The following KCNJ14 variants were observed in gnomAD, a reference collection of about 807,000 sequenced individuals.
KCNJ14 encodes potassium inwardly rectifying channel subfamily J member 14, also known as ATP-sensitive inward rectifier potassium channel 14.
In KCNJ14, 18 loss-of-function variants were observed where a neutral mutation model predicts 24.5. That is an observed-to-expected ratio of 0.74 (90% CI 0.51 to 1.09). KCNJ14 has a LOEUF of 1.09. Ranked by LOEUF, KCNJ14 falls within the 50% of genes least tolerant of loss-of-function variation. The pLI, the probability that KCNJ14 is intolerant of heterozygous loss-of-function variation, is 0.00. For synonymous variants in KCNJ14, 288 were observed against 270.8 expected (o/e 1.06, Z -0.63); for missense variants, 633 against 623.0 (o/e 1.02, Z -0.17).
Position 48,464,801 on chromosome 19 carries a change from G to A in KCNJ14, c.*24G>A, listed in dbSNP as rs373578741. On this transcript the variant is annotated 3_prime_UTR_variant, in exon 3 of 3. Coordinates refer to ENST00000342291, the MANE Select transcript of KCNJ14 (RefSeq NM_013348.4). ...GATGCAAACTGATGTCCCCTTCCCC[G>A]TGTATGCCCCCTTCCCCAAGGTAGC... is the stretch of plus-strand genomic sequence containing the variant. 8.6e-5 allele frequency: 132 copies of A among 1,527,910 alleles called. 3 individuals are homozygous for A. Among genetic ancestry groups the A allele is most frequent in the South Asian group, 6.8e-4 (60 of 88,758 alleles). The allele number at this position is 1,527,910 out of a possible 1,614,324, so 94.6% of individuals were successfully genotyped here.
rs763631326 is a variant in KCNJ14 at position 48,462,102 on chromosome 19, C to G, written c.378C>G (p.Pro126=). The G allele has an allele frequency of 2.5e-6, 4 of 1,601,806 alleles. No individual in the cohort carries two copies. The highest frequency in any genetic ancestry group is 2.6e-6 in the Non-Finnish European group (3 of 1,175,726). Residue 126 remains proline, a synonymous_variant, in exon 2 of 3, where the codon CCC becomes CCG. Coordinates refer to ENST00000342291, the MANE Select transcript of KCNJ14 (RefSeq NM_013348.4). This position sits in a 1 kb window ranked among gnomAD's most constrained non-coding sequence, Gnocchi z 4.9. ...TGGCCGCCCCGCCACCGCCCGCGCCCTGCTTCTCACACGTGGCCAGCTTCC... is the reference window on the plus strand; with the variant it reads ...TGGCCGCCCCGCCACCGCCCGCGCCGTGCTTCTCACACGTGGCCAGCTTCC... ...GDLAAPPPPA[P]CFSHVASFLA...
In KCNJ14 at chr19:48,462,510, A is replaced by G; in HGVS notation, c.714+72A>G. On this transcript the variant is annotated intron_variant, in intron 2 of 2. Coordinates refer to ENST00000342291, the MANE Select transcript of KCNJ14 (RefSeq NM_013348.4). The surrounding 1 kb of genome is among the most constrained non-coding windows in gnomAD (Gnocchi z 4.9). ...TGTGGGAGATGTAGGCCCGAGGGCG[A>G]GGGGCGTGCGGTCCTGGAGGGGGCG... 8.2e-7 allele frequency: 1 copy of G among 1,214,104 alleles called. No individual in the cohort carries two copies. The highest frequency in any genetic ancestry group is 1.1e-6 in the Non-Finnish European group (1 of 897,732). 75.2% of individuals were successfully genotyped at this position (1,214,104 alleles called of 1,614,324 possible).
Position 48,462,042 on chromosome 19 carries a change from G to A in KCNJ14, c.318G>A (p.Leu106=), listed in dbSNP as rs768081984. Residue 106 remains leucine (L), a synonymous_variant, in exon 2 of 3, where the codon CTG becomes CTA. Transcript: ENST00000342291. This position sits in a 1 kb window ranked among gnomAD's most constrained non-coding sequence, Gnocchi z 4.9. The stretch of plus-strand genomic sequence containing the variant: ...TCGCCTCCTGGCTGCTCTTCGGCCT[G>A]GCCTTCTGGCTCATTGCCTCGCTGC... ...SFLASWLLFG[L]AFWLIASLHG... The A allele has an allele frequency of 6.2e-7, 1 of 1,611,294 alleles. No individual in the cohort carries two copies. Among genetic ancestry groups the A allele is most frequent in the Non-Finnish European group, 8.5e-7 (1 of 1,179,662 alleles).
intron 1 of KCNJ14, 137 bp from the exon 2 acceptor site, chr19:48,461,533 A>G: frequency 3.0e-6 from 1 of 334,104 alleles, no homozygotes; most frequent in Non-Finnish European, 5.3e-6. Flanking sequence ...GTCTCCAAAA[A>G]AAAAAAAAAA....
At chr19:48,457,808 G>A (rs905428248) in intron 1 of KCNJ14, among the ~76,000 whole-genome samples, 1 of 152,060 alleles carries the variant, frequency 6.6e-6, no homozygotes, top group Non-Finnish European at 1.5e-5. Flanking sequence ...CTCCCGAGTA[G>A]CTGGGATTAC....
In KCNJ14 at chr19:48,464,162, T is replaced by A. The variant is rs770245323; in HGVS notation, c.715-19T>A. 1.9e-6 allele frequency: 3 copies of A among 1,581,520 alleles called. No homozygotes were observed. Among genetic ancestry groups the A allele is most frequent in the South Asian group, 1.1e-5 (1 of 90,400 alleles). On this transcript the variant is annotated intron_variant, in intron 2 of 2. Coordinates refer to ENST00000342291, the MANE Select transcript of KCNJ14 (RefSeq NM_013348.4). Reference sequence around the variant, plus strand: ...CTCTGTGCTCCCTGCTGTCTTTGGCTCCTCGCCTCCTGCTGCAGCCCCGTG... The same window carrying A: ...CTCTGTGCTCCCTGCTGTCTTTGGCACCTCGCCTCCTGCTGCAGCCCCGTG...
rs1283205078 is a variant in KCNJ14, at chr19:48,462,145, G to A, written c.421G>A (p.Ala141Thr). 9.4e-6 allele frequency: 15 copies of A among 1,590,718 alleles called. No homozygotes were observed. The highest frequency in any genetic ancestry group is 3.4e-5 in the South Asian group (3 of 88,250). ...CAGCTTCCTGGCCGCCTTCCTCTTC[G>A]CGCTGGAGACGCAGACGTCCATCGG... ...VASFLAAFLFALETQTSIGYG... is the reference protein window; with the variant it reads ...VASFLAAFLFTLETQTSIGYG... The change falls in exon 2 of 3, where the codon GCG becomes ACG. Residue 141 changes from alanine to threonine, a missense_variant. By Grantham distance (58) the Ala-to-Thr change is moderately conservative. Coordinates refer to ENST00000342291, the MANE Select transcript of KCNJ14 (RefSeq NM_013348.4). This position sits in a 1 kb window ranked among gnomAD's most constrained non-coding sequence, Gnocchi z 4.9.
intron 1 of KCNJ14, chr19:48,456,210 C>T (rs944173517): frequency 6.6e-6 from 1 of 152,428 alleles, no homozygotes; most frequent in Non-Finnish European, 1.5e-5. Flanking sequence ...ACCTGCCCCC[C>T]CAGCCCACGG....
rs748022036 is a variant in KCNJ14 at position 48,461,780 on chromosome 19, G to A, written c.56G>A (p.Ser19Asn). 5.5e-6 allele frequency: 8 copies of A among 1,457,154 alleles called. No individual in the cohort carries two copies. In the South Asian group the frequency reaches 1.2e-4, roughly 21 times the overall value. The allele number at this position is 1,457,154 out of a possible 1,614,324, so 90.3% of individuals were successfully genotyped here. A position where few individuals can be genotyped will look rare whatever the true frequency, so the allele number is the denominator to read the frequency against. The part of the protein sequence containing the change: ...RLSGALDSGD[S>N]RAGDEEEAGP... ...AGCGGCGCCCTGGATTCGGGAGACA[G>A]CCGGGCGGGCGATGAAGAGGAGGCC... is the stretch of plus-strand genomic sequence containing the variant. Residue 19 changes from serine (S) to asparagine (N), a missense_variant, in exon 2 of 3, where the codon AGC becomes AAC. Coordinates refer to ENST00000342291, the MANE Select transcript of KCNJ14 (RefSeq NM_013348.4).
rs575232282 is a variant in KCNJ14 at position 48,461,673 on chromosome 19, G to A, written c.-52G>A. On this transcript the variant is annotated 5_prime_UTR_variant, in exon 2 of 3. Transcript: ENST00000342291. The stretch of plus-strand genomic sequence containing the variant: ...TTCTGCCGGTTTCTTGTCCCAGCAG[G>A]TTGGGGGCGCCTGCCCCCCACTAGG... 5.2e-5 allele frequency: 62 copies of A among 1,189,804 alleles called. No homozygotes were observed. In the African/African-American group the frequency reaches 9.6e-4, roughly 18 times the overall value. 73.7% of individuals were successfully genotyped at this position (1,189,804 alleles called of 1,614,324 possible).
rs568664428 is a variant in KCNJ14, at chr19:48,455,818, G to C, written c.-96G>C. 1.3e-5 allele frequency: 2 copies of C among 152,458 alleles called. No homozygotes were observed. The highest frequency in any genetic ancestry group is 4.1e-4 in the South Asian group (2 of 4,830). The allele number at this position is 152,458 out of a possible 1,614,324, so 9.4% of individuals were successfully genotyped here. A position where few individuals can be genotyped will look rare whatever the true frequency, so the allele number is the denominator to read the frequency against. The stretch of plus-strand genomic sequence containing the variant: ...TGAGCCTGTTCCCCAACTGTGAAAG[G>C]GGGTGATGATCTTCACCTCCCGGCA... On this transcript the variant is annotated 5_prime_UTR_variant, in exon 1 of 3. Coordinates refer to ENST00000342291, the MANE Select transcript of KCNJ14 (RefSeq NM_013348.4).
chr19:48,459,776 C>T (rs534730499), intron 1 of KCNJ14, among the ~76,000 whole-genome samples: 2 of 152,174 alleles, frequency 1.3e-5, no homozygotes, highest in East Asian at 3.9e-4. Flanking sequence ...CGCCTGTAAT[C>T]CCAGTACTTT....
intron 1 of KCNJ14, chr19:48,461,252 AGAGGTTGCAGTGAGCT>A (rs1353631338): frequency 2.0e-5 from 3 of 151,656 alleles, no homozygotes; most frequent in African/African-American, 7.3e-5. Flanking sequence ...CCTGGGAGGC[AGAGGTTGCAGTGAGCT>A]GAGGTTGCGG....
chr19:48,457,612 T>C (rs1328416176), intron 1 of KCNJ14, among the ~76,000 whole-genome samples: 5 of 152,224 alleles, frequency 3.3e-5, no homozygotes, highest in Admixed American at 3.3e-4. Flanking sequence ...TCACATATCA[T>C]ATCATACACT....
rs1400112942 is a variant in KCNJ14 at position 48,464,478 on chromosome 19, C to T, written c.1012C>T (p.Arg338Cys). The change falls in exon 3 of 3, where the codon CGT becomes TGT. Residue 338 changes from arginine to cysteine, a missense_variant. By Grantham distance (180) the Arg-to-Cys change is radical (BLOSUM62 -3). Transcript: ENST00000342291. ...GHRFEPVLFQRGSQYEVDYRH... is the reference protein window; with the variant it reads ...GHRFEPVLFQCGSQYEVDYRH... ...TCGTTTTGAGCCAGTTCTCTTCCAG[C>T]GTGGCTCCCAGTATGAGGTCGACTA... 1.2e-6 allele frequency: 2 copies of T among 1,614,024 alleles called. No individual in the cohort carries two copies. Among genetic ancestry groups the T allele is most frequent in the Admixed American group, 1.7e-5 (1 of 59,994 alleles).
rs1464200693 is a variant in KCNJ14 at position 48,455,778 on chromosome 19, G to C, written c.-136G>C. On this transcript the variant is annotated 5_prime_UTR_variant, in exon 1 of 3. Transcript: ENST00000342291. The stretch of plus-strand genomic sequence containing the variant: ...CCCTGGCACTGCGGGGGCCTGGCCA[G>C]CTCATGGCGTTCCCTGAGCCTGTTC... 2.6e-5 allele frequency: 4 copies of C among 152,318 alleles called. No individual in the cohort carries two copies. The highest frequency in any genetic ancestry group is 9.6e-5 in the African/African-American group (4 of 41,456). The allele number at this position is 152,318 out of a possible 1,614,324, so 9.4% of individuals were successfully genotyped here.
Position 48,462,417 on chromosome 19 carries a change from C to A in KCNJ14, c.693C>A (p.His231Gln), listed in dbSNP as rs772889207. 4.7e-6 allele frequency: 7 copies of A among 1,488,638 alleles called. No homozygotes were observed. Among genetic ancestry groups the A allele is most frequent in the South Asian group, 1.3e-5 (1 of 75,314 alleles). The allele number at this position is 1,488,638 out of a possible 1,614,324, so 92.2% of individuals were successfully genotyped here. Residue 231 changes from histidine to glutamine, a missense_variant, in exon 2 of 3, where the codon CAC becomes CAA. His to Gln is a conservative substitution (Grantham distance 24). Transcript: ENST00000342291. The surrounding 1 kb of genome is among the most constrained non-coding windows in gnomAD (Gnocchi z 4.9). Reference sequence around the variant, plus strand: ...GCCGCAGCCACCTGGTCGAGGCCCACGTGCGTGCCCAGCTGCTGCAGGTGC... The same window carrying A: ...GCCGCAGCCACCTGGTCGAGGCCCAAGTGCGTGCCCAGCTGCTGCAGGTGC... ...NLRRSHLVEA[H>Q]VRAQLLQPRV...
intron 2 of KCNJ14, 49 bp from the exon 3 acceptor site, chr19:48,464,132 C>A: frequency 7.7e-7 from 1 of 1,295,326 alleles, no homozygotes. Flanking sequence ...TTCGTCTCTG[C>A]CCGTCTCTGT....
rs866907833 is a variant in KCNJ14 at position 48,462,133 on chromosome 19, G to T, written c.409G>T (p.Ala137Ser). The T allele has an allele frequency of 6.3e-7, 1 of 1,595,314 alleles. No homozygotes were observed. Among genetic ancestry groups the T allele is most frequent in the East Asian group, 2.3e-5 (1 of 44,058 alleles). ...CTCACACGTGGCCAGCTTCCTGGCC[G>T]CCTTCCTCTTCGCGCTGGAGACGCA... ...CFSHVASFLA[A>S]FLFALETQTS... is the part of the protein sequence containing the mutation. Residue 137 changes from alanine to serine, a missense_variant, in exon 2 of 3, where the codon GCC (alanine) becomes TCC (serine). Ala to Ser is a moderately conservative substitution (Grantham distance 99, BLOSUM62 1). Transcript: ENST00000342291. The surrounding 1 kb of genome is among the most constrained non-coding windows in gnomAD (Gnocchi z 4.9).
Sources: gnomAD v4.1 joint callset for allele counts (sites outside exome capture counted in the v4.1 genomes callset) on GRCh38, gnomAD v4.1.1 for gene constraint, Gnocchi (gnomAD v3.1) non-coding constraint, MANE v1.5 for transcripts, NCBI Gene and HGNC (gene_info 2026-07-23, HGNC 2026-07-21) for gene names.